PLEKHB2: variants seen among roughly 807,000 people sequenced by gnomAD.
PLEKHB2 encodes the protein pleckstrin homology domain-containing family B member 2.
PLEKHB2 carries 31 observed loss-of-function variants against 36.5 expected under a neutral mutation model. That is an observed-to-expected ratio of 0.85 (90% CI 0.64 to 1.15). The LOEUF is 1.15. PLEKHB2 is among the 50% of genes most tolerant of loss of function. PLEKHB2 has a pLI of 0.00. For missense variants in PLEKHB2, 262 were observed against 295.3 expected (o/e 0.89, Z 0.83); for synonymous variants, 119 against 112.0 (o/e 1.06, Z -0.39).
At chr2:131,137,349 G>T (rs999023230) in intron 6 of PLEKHB2, among the ~76,000 whole-genome samples, 3 of 152,290 alleles carry the variant, frequency 2.0e-5, no homozygotes, top group South Asian at 2.1e-4. Context: ...TTCTCCTGAG[G>T]CCCCTCCTGC....
chr2:131,111,331 C>T (rs1695295928), intron 1 of PLEKHB2, among the ~76,000 whole-genome samples: 1 of 148,338 alleles, frequency 6.7e-6, no homozygotes, highest in African/African-American at 2.5e-5. Context: ...ATTCCAGGCT[C>T]ATCCTCTAAT....
At chr2:131,141,655 AAAAAAGT>A (rs1337439735) in intron 7 of PLEKHB2, among the ~76,000 whole-genome samples, 1 of 152,028 alleles carries the variant, frequency 6.6e-6, no homozygotes, top group African/African-American at 2.4e-5. Flanking sequence ...AAAAAAAAAA[AAAAAAGT>A]AATTATGACA....
intron 1 of PLEKHB2, among the ~76,000 whole-genome samples, chr2:131,108,794 T>G (rs1694985757): frequency 6.6e-6 from 1 of 152,232 alleles, no homozygotes; most frequent in Admixed American, 6.5e-5. Flanking sequence ...ATAATAGTAG[T>G]AAATAGTAAT....
chr2:131,140,107 A>C (rs1002344312), intron 6 of PLEKHB2, 60 bp from the exon 7 acceptor site: 1 of 1,039,600 alleles, frequency 9.6e-7, no homozygotes, highest in African/African-American at 1.6e-5. Context: ...GGAGACCACA[A>C]TTTTAATACA....
chr2:131,125,652 C>T, intron 2 of PLEKHB2, 101 bp from the exon 3 acceptor site: 2 of 942,932 alleles, frequency 2.1e-6, no homozygotes, highest in South Asian at 1.7e-5. Flanking sequence ...CTGCAGTGAC[C>T]TATGATCATG....
At chr2:131,146,045 G>C (rs1163269611) in intron 7 of PLEKHB2, among the ~76,000 whole-genome samples, 1 of 151,956 alleles carries the variant, frequency 6.6e-6, no homozygotes, top group African/African-American at 2.4e-5. Flanking sequence ...AGCCAGGCGT[G>C]GTGGTGGGCG....
At chr2:131,145,231 T>C (rs1176618694) in intron 7 of PLEKHB2, among the ~76,000 whole-genome samples, 1 of 152,222 alleles carries the variant, frequency 6.6e-6, no homozygotes, top group Non-Finnish European at 1.5e-5. Context: ...AGCATTCCAA[T>C]GTATGTAGTG....
intron 1 of PLEKHB2, among the ~76,000 whole-genome samples, chr2:131,111,721 C>T (rs1209446737): frequency 2.0e-5 from 3 of 152,044 alleles, no homozygotes; most frequent in Non-Finnish European, 4.4e-5. Context: ...GAACTCCTGA[C>T]CTCAAGTGAT....
chr2:131,113,794 C>A (rs1278641620), intron 1 of PLEKHB2, among the ~76,000 whole-genome samples: 1 of 152,108 alleles, frequency 6.6e-6, no homozygotes, highest in African/African-American at 2.4e-5. Flanking sequence ...TGTAGTGTGG[C>A]CACGCCCAGT....
intron 6 of PLEKHB2, among the ~76,000 whole-genome samples, chr2:131,135,840 C>A (rs1698188975): frequency 6.6e-6 from 1 of 151,876 alleles, no homozygotes; most frequent in South Asian, 2.1e-4. Flanking sequence ...GATCTCCTGA[C>A]CTTGTGATCC....
intron 1 of PLEKHB2, among the ~76,000 whole-genome samples, chr2:131,113,466 A>C (rs868247593): frequency 2.6e-5 from 4 of 152,298 alleles, no homozygotes; most frequent in Non-Finnish European, 4.4e-5. Flanking sequence ...GTGACGTGAG[A>C]GCAGAGGAAA....
At chr2:131,108,899 A>G (rs1347520382) in intron 1 of PLEKHB2, among the ~76,000 whole-genome samples, 2 of 152,230 alleles carry the variant, frequency 1.3e-5, no homozygotes, top group African/African-American at 4.8e-5. Flanking sequence ...TTTTCCGAAC[A>G]TCCTGTCAAG....
At chr2:131,142,574 T>C (rs983910598) in intron 7 of PLEKHB2, among the ~76,000 whole-genome samples, 8 of 151,218 alleles carry the variant, frequency 5.3e-5, no homozygotes. Flanking sequence ...TTCTTTTTTT[T>C]TCTTTTTTTT....
intron 1 of PLEKHB2, chr2:131,107,567 G>C (rs543651923): frequency 1.3e-5 from 2 of 152,234 alleles, no homozygotes; most frequent in African/African-American, 4.8e-5. Flanking sequence ...AAAGAGAGCT[G>C]GAGAACTGGG....
chr2:131,109,005 T>G (rs1448735108), intron 1 of PLEKHB2, among the ~76,000 whole-genome samples: 6 of 152,142 alleles, frequency 3.9e-5, no homozygotes, highest in Non-Finnish European at 5.9e-5. Context: ...ACTCTAAAGC[T>G]TATACCCAAA....
chr2:131,125,549 AATTTTGAAGGCTGAGC>A (rs1226589276), intron 2 of PLEKHB2, among the ~76,000 whole-genome samples, 188 bp from the exon 3 acceptor site: 1 of 152,060 alleles, frequency 6.6e-6, no homozygotes, highest in Non-Finnish European at 1.5e-5. Context: ...CAGATTTCTA[AATTTTGAAGGCTGAGC>A]ATGGTGGCAT....
intron 6 of PLEKHB2, among the ~76,000 whole-genome samples, chr2:131,136,679 T>G (rs954070256): frequency 6.6e-6 from 1 of 151,658 alleles, no homozygotes; most frequent in East Asian, 1.9e-4. Context: ...TTGTTAAGGA[T>G]TTTTGCGTCT....
At position 131,126,747 on chromosome 2, in the gene PLEKHB2, A is replaced by G; in HGVS notation, c.254A>G (p.Lys85Arg). 2 of 1,610,450 alleles carry G rather than the reference A, an allele frequency of 1.2e-6. No homozygotes were observed. The highest frequency in any genetic ancestry group is 1.3e-5 in the African/African-American group (1 of 74,996). ...CMLQIVCRDG[K>R]TISLCAESTD... ...CTCCAGATTGTTTGTCGAGATGGGA[A>G]AACAATTAGTCTTTGTGCAGAAAGC... is the stretch of plus-strand genomic sequence containing the variant. Residue 85 changes from lysine (K) to arginine (R), a missense_variant, in exon 4 of 8, where the codon AAA (lysine) becomes AGA (arginine). Transcript: ENST00000693505.
At chr2:131,132,384 G>A (rs1697796657) in intron 5 of PLEKHB2, among the ~76,000 whole-genome samples, 2 of 152,076 alleles carry the variant, frequency 1.3e-5, no homozygotes, top group African/African-American at 4.8e-5. Context: ...TTGGCTCACT[G>A]CAGTCTCGAG....
Sources: allele counts gnomAD v4.1 joint callset (sites outside exome capture counted in the v4.1 genomes callset), GRCh38; gene constraint gnomAD v4.1.1; transcripts MANE v1.5; gene names NCBI Gene and HGNC (gene_info 2026-07-23, HGNC 2026-07-21).